The following STAB1 variants were observed in gnomAD, a reference collection of about 807,000 sequenced individuals.
The protein encoded by STAB1 is stabilin-1.
Under a neutral mutation model 332.4 loss-of-function variants are expected in STAB1, and 250 were observed. The observed-to-expected ratio is 0.75, with a 90% confidence interval of 0.68 to 0.84. The LOEUF (loss-of-function observed/expected upper bound fraction) is 0.84, where lower values mean the gene tolerates loss of function less well. Among genes scored for constraint, STAB1 ranks in the 40% least tolerant of loss-of-function variants. The pLI, the probability that STAB1 is intolerant of heterozygous loss-of-function variation, is 0.00. For missense variants in STAB1, 3,249 were observed against 3,489.7 expected (o/e 0.93, Z 1.74); for synonymous variants, 1,475 against 1,390.4 (o/e 1.06, Z -1.35).
In STAB1 at chr3:52,521,497, G is replaced by T; in HGVS notation, c.6045G>T (p.Gly2015=). The change falls in exon 56 of 69, where the codon GGG becomes GGT. Residue 2015 remains glycine (G), a synonymous_variant. Transcript: ENST00000321725. ...ACELCAPGAF[G]PHCQACRCTV... is the part of the protein sequence containing the mutation. ...AACTCTGTGCTCCTGGTGCCTTTGG[G>T]CCCCATTGTCAAGGTGGGCCATCCC... 2 of 1,613,984 alleles carry T rather than the reference G, an allele frequency of 1.2e-6. No individual in the cohort carries two copies. The highest frequency in any genetic ancestry group is 1.7e-6 in the Non-Finnish European group (2 of 1,180,026).
At chr3:52,519,122 C>A in intron 48 of STAB1, 142 bp from the exon 49 acceptor site, 1 of 1,210,374 alleles carries the variant, frequency 8.3e-7, no homozygotes, top group Non-Finnish European at 1.2e-6. Context: ...GCCCCAGACC[C>A]CGCCCACCTC....
intron 61 of STAB1, 40 bp downstream of exon 61, chr3:52,522,728 G>A: frequency 6.2e-7 from 1 of 1,612,718 alleles, no homozygotes; most frequent in South Asian, 1.1e-5. Context: ...TGTTGGGGGA[G>A]GCCTTGACTG....
Position 52,522,320 on chromosome 3 carries a change from C to T in STAB1, c.6466-10C>T. The T allele has an allele frequency of 1.2e-6, 2 of 1,612,874 alleles. No homozygotes were observed. Among genetic ancestry groups the T allele is most frequent in the Non-Finnish European group, 1.7e-6 (2 of 1,179,986 alleles). On this transcript the variant is annotated splice_polypyrimidine_tract_variant and intron_variant, in intron 59 of 68. Transcript: ENST00000321725. ...GGGTGAAGGGCGCCCACTGCTCTCT[C>T]CAACCCCAGAACACACGGCGCTGTG...
rs753963693 is a variant in STAB1, at chr3:52,504,718, C to T, written c.1240-21C>T. 14 of 1,613,568 alleles carry T rather than the reference C, an allele frequency of 8.7e-6. 1 individual carries two copies. The South Asian group carries it at 1.4e-4, about 16-fold the overall frequency. ...AGGACTGGCCCCCCGGCTCACTTTG[C>T]TCCCCGCCTTGCGTCTGCAGGCATC... is the stretch of plus-strand genomic sequence containing the variant. On this transcript the variant is annotated intron_variant, in intron 11 of 68. Coordinates refer to ENST00000321725, the MANE Select transcript of STAB1 (RefSeq NM_015136.3).
At chr3:52,503,986 G>T (rs756834011) in intron 9 of STAB1, 42 bp from the exon 10 acceptor site, 21 of 1,609,706 alleles carry the variant, frequency 1.3e-5, no homozygotes, top group South Asian at 2.2e-5. Context: ...CGGTGGGGGG[G>T]GCCTCAGCCT....
chr3:52,521,053 G>T, intron 55 of STAB1, 48 bp downstream of exon 55: 4 of 1,484,904 alleles, frequency 2.7e-6, no homozygotes, highest in Non-Finnish European at 3.6e-6. Flanking sequence ...CCCCAAGAGA[G>T]CCAAGGCACA....
intron 25 of STAB1, 116 bp from the exon 26 acceptor site, chr3:52,511,534 C>A (rs1709297820): frequency 1.2e-6 from 1 of 864,524 alleles, no homozygotes; most frequent in Non-Finnish European, 1.8e-6. Flanking sequence ...GGAGAAGTTC[C>A]TCTGGGGTCT....
Position 52,519,931 on chromosome 3 carries a change from T to C in STAB1, c.5236-13T>C. 5 of 1,561,182 alleles carry C rather than the reference T, an allele frequency of 3.2e-6. No homozygotes were observed. Among genetic ancestry groups the C allele is most frequent in the Non-Finnish European group, 4.3e-6 (5 of 1,155,064 alleles). On this transcript the variant is annotated splice_polypyrimidine_tract_variant and intron_variant, in intron 50 of 68. Transcript: ENST00000321725. ...TGGGCAGCGACTGCCACATCTTTGCTGCACCCCACCAGGTGGCCGGCCTCC... is the reference window on the plus strand; with the variant it reads ...TGGGCAGCGACTGCCACATCTTTGCCGCACCCCACCAGGTGGCCGGCCTCC...
chr3:52,522,699 C>A lies in STAB1; in HGVS notation c.6744+11C>A, dbSNP rs567205414. ...TCTGCTGCCCAGCAGGTGTGTGGGG[C>A]CCAGAAGTTGGGGCCAAGTGTTGGG... On this transcript the variant is annotated intron_variant, in intron 61 of 68. Coordinates refer to ENST00000321725, the MANE Select transcript of STAB1 (RefSeq NM_015136.3). The A allele has an allele frequency of 1.7e-5, 28 of 1,612,790 alleles. No individual in the cohort carries two copies. The highest frequency in any genetic ancestry group is 2.0e-5 in the Non-Finnish European group (24 of 1,179,952).
Position 52,501,757 on chromosome 3 carries a change from T to C in STAB1, c.331+4T>C. 5 of 1,556,198 alleles carry C rather than the reference T, an allele frequency of 3.2e-6. No homozygotes were observed. Among genetic ancestry groups the C allele is most frequent in the Non-Finnish European group, 4.3e-6 (5 of 1,150,528 alleles). ...TACTGGGGTTCCCGGTGCCATGGTA[T>C]GGGAGAAAGGGGGACCCCGCCTTGC... On this transcript the variant is annotated splice_donor_region_variant and intron_variant, in intron 3 of 68. Transcript: ENST00000321725.
chr3:52,510,084 C>T (rs1406050709), intron 23 of STAB1, 28 bp downstream of exon 23: 1 of 1,613,204 alleles, frequency 6.2e-7, no homozygotes, highest in East Asian at 2.2e-5. Flanking sequence ...CTGTCTGCCC[C>T]ACCCGTGACC....
At chr3:52,497,449 G>C (rs1223819846) in intron 1 of STAB1, among the ~76,000 whole-genome samples, 1 of 110,088 alleles carries the variant, frequency 9.1e-6, no homozygotes. Context: ...GTCTCTCTCT[G>C]TTGTCCGGGC....
chr3:52,517,913 CA>C lies in STAB1; in HGVS notation c.4675del (p.Ser1559AlafsTer32). The C allele has an allele frequency of 6.2e-7, 1 of 1,611,756 alleles. No homozygotes were observed. On this transcript the variant is annotated frameshift_variant, in exon 45 of 69. Coordinates refer to ENST00000321725, the MANE Select transcript of STAB1 (RefSeq NM_015136.3). LOFTEE classifies it high-confidence loss of function. ...GAGGATGCAGCCCATATGCCACCTG[CA>C]AAAGCACAGGGGATGGCCAGAGGAC... ...NGGCSPYATC[K>X]STGDGQRTCT...
At position 52,511,009 on chromosome 3, in the gene STAB1, G is replaced by T. The variant is rs567267516; in HGVS notation, c.2787+502G>T. Among the ~76,000 whole-genome samples, 4 of 152,342 alleles carry T rather than the reference G, an allele frequency of 2.6e-5. No homozygotes were observed. The South Asian group carries it at 8.3e-4, about 32-fold the overall frequency. ...GCCTCTGCATGGCCAGGCCTGTGGG[G>T]CTCCCTGTCCTCCCAACTCCAAGGT... On this transcript the variant is annotated intron_variant, in intron 25 of 68. Coordinates refer to ENST00000321725, the MANE Select transcript of STAB1 (RefSeq NM_015136.3).
chr3:52,518,469 T>TC (rs1477909598), intron 46 of STAB1, 67 bp from the exon 47 acceptor site: 9 of 1,562,404 alleles, frequency 5.8e-6, no homozygotes, highest in Non-Finnish European at 7.8e-6. Flanking sequence ...GTCCAGGTCT[T>TC]CCCCAGGAGA....
chr3:52,523,626 T>A (rs1475043761), intron 65 of STAB1, 26 bp from the exon 66 acceptor site: 1 of 1,612,708 alleles, frequency 6.2e-7, no homozygotes, highest in African/African-American at 1.3e-5. Context: ...TCGCTCACAG[T>A]GGGCCTGACT....
rs1709354015 is a variant in STAB1, at chr3:52,512,321, C to T, written c.2884-20C>T. 1 of 1,610,906 alleles carries T rather than the reference C, an allele frequency of 6.2e-7. No homozygotes were observed. Among genetic ancestry groups the T allele is most frequent in the African/African-American group, 1.3e-5 (1 of 74,862 alleles). On this transcript the variant is annotated intron_variant, in intron 26 of 68. Coordinates refer to ENST00000321725, the MANE Select transcript of STAB1 (RefSeq NM_015136.3). The stretch of plus-strand genomic sequence containing the variant: ...TGCCATCTGGTTCTGAATGGAGGCC[C>T]TTTCTCACTCCCACCCCAGGCCACC...
At chr3:52,509,165 G>A in intron 21 of STAB1, 45 bp from the exon 22 acceptor site, 1 of 1,560,952 alleles carries the variant, frequency 6.4e-7, no homozygotes, top group Non-Finnish European at 8.8e-7. Flanking sequence ...GGGATGTAGA[G>A]AGTCCCTTTC....
chr3:52,513,953 C>T lies in STAB1; in HGVS notation c.3419C>T (p.Ala1140Val). The change falls in exon 32 of 69, where the codon GCC (alanine) becomes GTC (valine). Residue 1140 changes from alanine to valine, a missense_variant. Physicochemically the swap from Ala to Val is moderately conservative, Grantham distance 64. Transcript: ENST00000321725. Reference protein sequence around the residue: ...GLLQQLDLVPAFSLFRELLQH... With the variant: ...GLLQQLDLVPVFSLFRELLQH... ...CTGCAGCAGCTGGACTTGGTGCCTG[C>T]CTTCAGCCTCTTCCGGGAATTGCTG... The T allele has an allele frequency of 6.2e-7, 1 of 1,605,502 alleles. No homozygotes were observed. Among genetic ancestry groups the T allele is most frequent in the South Asian group, 1.1e-5 (1 of 90,256 alleles).
Sources: gnomAD v4.1 joint callset for allele counts (sites outside exome capture counted in the v4.1 genomes callset) on GRCh38, gnomAD v4.1.1 for gene constraint, MANE v1.5 for transcripts, NCBI Gene and HGNC (gene_info 2026-07-23, HGNC 2026-07-21) for gene names.